Variants in IMPG2 observed in about 807,000 individuals in gnomAD.
The protein encoded by IMPG2 is IPM 200.
IMPG2 carries 91 observed loss-of-function variants against 129.2 expected under a neutral mutation model. The observed-to-expected ratio is 0.70, with a 90% CI of 0.59 to 0.84. The LOEUF is 0.84. Ranked by LOEUF, IMPG2 falls within the 40% of genes least tolerant of loss-of-function variation. The probability of loss-of-function intolerance (pLI) is 0.00; values close to 1 mark genes in which losing one functional copy is unlikely to be tolerated. For missense variants in IMPG2, 1,430 were observed against 1,461.7 expected (o/e 0.98, Z 0.35); for synonymous variants, 510 against 517.7 (o/e 0.99, Z 0.20).
At chr3:101,248,028 G>A (rs552213585) in intron 11 of IMPG2, among the ~76,000 whole-genome samples, 7 of 152,216 alleles carry the variant, frequency 4.6e-5, no homozygotes, top group African/African-American at 1.7e-4. Flanking sequence ...TTGAACAAAA[G>A]CACACAATTT....
intron 9 of IMPG2, among the ~76,000 whole-genome samples, 160 bp from the exon 10 acceptor site, chr3:101,257,933 C>T (rs1413990215): frequency 6.6e-6 from 1 of 152,036 alleles, no homozygotes; most frequent in Non-Finnish European, 1.5e-5. Context: ...TTTTGCCATC[C>T]TCTCCTCCTT....
At chr3:101,276,859 A>C in intron 4 of IMPG2, 146 bp from the exon 5 acceptor site, 2 of 647,292 alleles carry the variant, frequency 3.1e-6, no homozygotes. Flanking sequence ...AAAGTTTTTT[A>C]AAATTAAAAC....
At position 101,320,273 on chromosome 3, in the gene IMPG2, TA is replaced by T; in HGVS notation, c.85+14del. 7.1e-7 allele frequency: 1 copy of T among 1,407,976 alleles called. No individual in the cohort carries two copies. The allele number at this position is 1,407,976 out of a possible 1,614,324, so 87.2% of individuals were successfully genotyped here. ...AGATATGGAAAGATAAAAACAAATG[TA>T]GATTTTTAAATACCTGTTAATGATG... On this transcript the variant is annotated intron_variant, in intron 1 of 18. Coordinates refer to ENST00000193391, the MANE Select transcript of IMPG2 (RefSeq NM_016247.4).
At chr3:101,238,065 T>C (rs1177266529) in intron 14 of IMPG2, among the ~76,000 whole-genome samples, 1 of 151,748 alleles carries the variant, frequency 6.6e-6, no homozygotes, top group Non-Finnish European at 1.5e-5. Flanking sequence ...CACGAGAACT[T>C]TGTGAAGCAT....
intron 14 of IMPG2, 137 bp from the exon 15 acceptor site, chr3:101,233,128 C>T: frequency 1.3e-6 from 1 of 765,416 alleles, no homozygotes; most frequent in Non-Finnish European, 2.2e-6. Flanking sequence ...ACCATCGCCA[C>T]CAATACCACA....
chr3:101,269,396 C>A, intron 8 of IMPG2, 119 bp downstream of exon 8: 1 of 647,112 alleles, frequency 1.5e-6, no homozygotes, highest in South Asian at 2.0e-5. Flanking sequence ...CCAGAAATAG[C>A]ATTGAGTTAC....
At position 101,243,731 on chromosome 3, in the gene IMPG2, T is replaced by C. The variant is rs751479900; in HGVS notation, c.2600A>G (p.Glu867Gly). The C allele has an allele frequency of 6.2e-7, 1 of 1,613,930 alleles. No individual in the cohort carries two copies. Among genetic ancestry groups the C allele is most frequent in the Non-Finnish European group, 8.5e-7 (1 of 1,179,818 alleles). Residue 867 changes from glutamate (E) to glycine (G), a missense_variant, in exon 13 of 19, where the codon GAA becomes GGA. Glu to Gly is a moderately conservative substitution (Grantham distance 98). Coordinates refer to ENST00000193391, the MANE Select transcript of IMPG2 (RefSeq NM_016247.4). The stretch of plus-strand genomic sequence containing the variant: ...TGTGGAGTGAACACTTGTTGACATT[T>C]CCACATAACTACCAACCTTGCCATT... Reference protein sequence around the residue: ...EQNGKVGSYVEMSTSVHSTEM... With the variant: ...EQNGKVGSYVGMSTSVHSTEM...
chr3:101,273,483 C>G (rs897192416), intron 7 of IMPG2, 98 bp downstream of exon 7: 122 of 1,324,160 alleles, frequency 9.2e-5, no homozygotes, highest in Non-Finnish European at 6.9e-5. Context: ...AGTAGACAAA[C>G]AATTTGAAAC....
rs573339422 is a variant in IMPG2, at chr3:101,227,674, C to T, written c.3714-693G>A. On this transcript the variant is annotated intron_variant, in intron 18 of 18. Transcript: ENST00000193391. ...TGGATTCTCTGGTTTAAAAGGCAGA[C>T]GCCTGGTGATATTGCTCTGGCTGCA... is the stretch of plus-strand genomic sequence containing the variant. 43 of 393,120 alleles carry T rather than the reference C, an allele frequency of 1.1e-4. 1 individual carries two copies. Among genetic ancestry groups the T allele is most frequent in the Middle Eastern group, 8.3e-4 (1 of 1,204 alleles). The allele number at this position is 393,120 out of a possible 1,614,324, so 24.4% of individuals were successfully genotyped here.
chr3:101,224,496 G>A lies in IMPG2; in HGVS notation c.*2473C>T, dbSNP rs1005157520. On this transcript the variant is annotated 3_prime_UTR_variant, in exon 19 of 19. Transcript: ENST00000193391. ...GAAAATTTCATTCCTCAATTGTGCA[G>A]TGTAAATGACAGTTCAGCCTAAGAC... 6.6e-6 allele frequency: 1 copy of A among 152,226 alleles called. No homozygotes were observed. The highest frequency in any genetic ancestry group is 6.5e-5 in the Admixed American group (1 of 15,284). The allele number at this position is 152,226 out of a possible 1,614,324, so 9.4% of individuals were successfully genotyped here.
rs528989413 is a variant in IMPG2 at position 101,301,245 on chromosome 3, A to G, written c.501+2901T>C. On this transcript the variant is annotated intron_variant, in intron 3 of 18. Transcript: ENST00000193391. ...TCACTGATCACAGATCACATAAGAG[A>G]TAAAGAAAATAATTTTTTAAAATTT... Among the ~76,000 whole-genome samples, 29 of 152,372 alleles carry G rather than the reference A, an allele frequency of 1.9e-4. No homozygotes were observed. In the South Asian group the frequency reaches 2.3e-3, roughly 12 times the overall value.
rs1042230501 is a variant in IMPG2 at position 101,320,493 on chromosome 3, G to A, written c.-121C>T. ...CTAACATTTAAAAGTCTATGTTTGA[G>A]AATGAACAACCACTTCAAAACCATT... On this transcript the variant is annotated 5_prime_UTR_variant, in exon 1 of 19. Transcript: ENST00000193391. The A allele has an allele frequency of 3.3e-5, 23 of 693,128 alleles. No individual in the cohort carries two copies. Among genetic ancestry groups the A allele is most frequent in the Middle Eastern group, 2.9e-4 (1 of 3,394 alleles). 42.9% of individuals were successfully genotyped at this position (693,128 alleles called of 1,614,324 possible). A position where few individuals can be genotyped will look rare whatever the true frequency, so the allele number is the denominator to read the frequency against.
chr3:101,320,489 T>G lies in IMPG2; in HGVS notation c.-117A>C. 1 of 703,680 alleles carries G rather than the reference T, an allele frequency of 1.4e-6. No individual in the cohort carries two copies. Among genetic ancestry groups the G allele is most frequent in the Non-Finnish European group, 2.6e-6 (1 of 392,028 alleles). The allele number at this position is 703,680 out of a possible 1,614,324, so 43.6% of individuals were successfully genotyped here. ...AGACCTAACATTTAAAAGTCTATGTTTGAGAATGAACAACCACTTCAAAAC... is the reference window on the plus strand; with the variant it reads ...AGACCTAACATTTAAAAGTCTATGTGTGAGAATGAACAACCACTTCAAAAC... On this transcript the variant is annotated 5_prime_UTR_variant, in exon 1 of 19. Transcript: ENST00000193391.
At chr3:101,229,304 CCACCCACCACCCCCTGCT>C in intron 17 of IMPG2, 58 bp downstream of exon 17, 2 of 875,156 alleles carry the variant, frequency 2.3e-6, no homozygotes, top group Non-Finnish European at 3.8e-6. Context: ...ATACACACCC[CCACCCACCACCCCCTGCT>C]CCCCCACACA....
intron 14 of IMPG2, among the ~76,000 whole-genome samples, chr3:101,235,848 T>C (rs1191891671): frequency 6.6e-6 from 1 of 151,876 alleles, no homozygotes; most frequent in Non-Finnish European, 1.5e-5. Context: ...AAAATGAGAG[T>C]AGAGGAAAGA....
At position 101,242,891 on chromosome 3, in the gene IMPG2, T is replaced by C. The variant is rs373286123; in HGVS notation, c.2819A>G (p.Gln940Arg). 2.5e-5 allele frequency: 40 copies of C among 1,613,720 alleles called. No individual in the cohort carries two copies. The Admixed American group carries it at 3.0e-4, about 12-fold the overall frequency. ...GTTCTGGAACCCCGTGAGATTTGACTGGAGATAGGGAACCAGCTACAATAT... is the reference window on the plus strand; with the variant it reads ...GTTCTGGAACCCCGTGAGATTTGACCGGAGATAGGGAACCAGCTACAATAT... Reference protein sequence around the residue: ...RFLELLVPYLQSNLTGFQNLE... With the variant: ...RFLELLVPYLRSNLTGFQNLE... The change falls in exon 14 of 19, where the codon CAG becomes CGG. Residue 940 changes from glutamine to arginine, a missense_variant. Gln to Arg is a conservative substitution (Grantham distance 43, BLOSUM62 1). Coordinates refer to ENST00000193391, the MANE Select transcript of IMPG2 (RefSeq NM_016247.4).
At chr3:101,259,733 CTGA>C (rs1706650030) in intron 9 of IMPG2, among the ~76,000 whole-genome samples, 1 of 152,038 alleles carries the variant, frequency 6.6e-6, no homozygotes, top group African/African-American at 2.4e-5. Context: ...TGGAAAGCTT[CTGA>C]CCAGTATATT....
intron 3 of IMPG2, among the ~76,000 whole-genome samples, chr3:101,291,985 C>T (rs965961277): frequency 6.6e-6 from 1 of 152,126 alleles, no homozygotes; most frequent in African/African-American, 2.4e-5. Context: ...GATTATTCCC[C>T]AGGGGCATTC....
chr3:101,243,107 T>A (rs1706428519), intron 13 of IMPG2, among the ~76,000 whole-genome samples, 200 bp from the exon 14 acceptor site: 1 of 152,178 alleles, frequency 6.6e-6, no homozygotes, highest in African/African-American at 2.4e-5. Context: ...GCTATAAGAT[T>A]TTCATAGTGA....
Sources: allele counts gnomAD v4.1 joint callset (sites outside exome capture counted in the v4.1 genomes callset), GRCh38; gene constraint gnomAD v4.1.1; transcripts MANE v1.5; gene names NCBI Gene and HGNC (gene_info 2026-07-23, HGNC 2026-07-21).